The following MEGF8 variants were observed in gnomAD, a reference collection of about 807,000 sequenced individuals.
MEGF8 encodes multiple EGF like domains 8.
Under a neutral mutation model 302.9 loss-of-function variants are expected in MEGF8, and 156 were observed. That is an observed-to-expected ratio of 0.52 (90% confidence interval 0.45 to 0.59). The LOEUF is 0.59. MEGF8 is among the 20% of genes least tolerant of loss of function. The pLI, the probability that MEGF8 is intolerant of heterozygous loss-of-function variation, is 0.00. For synonymous variants in MEGF8, 1,621 were observed against 1,660.5 expected, an observed-to-expected ratio of 0.98 and a Z score of 0.58; for missense variants, 3,345 against 3,964.5, an observed-to-expected ratio of 0.84 and a Z score of 4.20.
chr19:42,328,120 C>A (rs1433808025), intron 1 of MEGF8, among the ~76,000 whole-genome samples: 2 of 152,122 alleles, frequency 1.3e-5, no homozygotes, highest in South Asian at 2.1e-4. Flanking sequence ...TACAAGACAA[C>A]GAATGAGCCA....
In MEGF8 at chr19:42,336,555, A is replaced by T. The variant is rs1424353407; in HGVS notation, c.1244+209A>T. On this transcript the variant is annotated intron_variant, in intron 6 of 41. Transcript: ENST00000251268. The surrounding 1 kb of genome is among the most constrained non-coding windows in gnomAD (Gnocchi z 4.8). ...TGATGTTTTATTCAATCTCTTGGTG[A>T]ATTGCCTTCCACACACTCCCACCCA... 1.3e-5 allele frequency among the ~76,000 whole-genome samples: 2 copies of T among 152,150 alleles called. No individual in the cohort carries two copies. The highest frequency in any genetic ancestry group is 2.9e-5 in the Non-Finnish European group (2 of 68,026).
At chr19:42,343,868 GC>G in intron 9 of MEGF8, 85 bp from the exon 10 acceptor site, 1 of 1,518,214 alleles carries the variant, frequency 6.6e-7, no homozygotes, top group South Asian at 1.3e-5. Context: ...GCTAAAGCAA[GC>G]GGGGACTTGG....
rs368451814 is a variant in MEGF8, at chr19:42,369,686, C to T, written c.6797C>T (p.Ala2266Val). Residue 2266 changes from alanine to valine, a missense_variant, in exon 38 of 42, where the codon GCG becomes GTG. By Grantham distance (64) the Ala-to-Val change is moderately conservative. Transcript: ENST00000251268. This position sits in a 1 kb window ranked among gnomAD's most constrained non-coding sequence, Gnocchi z 5.7. ...CACAGTGAATGCGCTGGTGTTGGGG[C>T]GCGTGACCACTGCTTGCTCTGCCGC... The part of the protein sequence containing the change: ...NRHSECAGVG[A>V]RDHCLLCRNH... The T allele has an allele frequency of 5.6e-6, 9 of 1,611,408 alleles. No individual in the cohort carries two copies. The highest frequency in any genetic ancestry group is 1.3e-5 in the African/African-American group (1 of 74,916).
Position 42,376,728 on chromosome 19 carries a change from C to T in MEGF8, c.8491C>T (p.Arg2831Trp), listed in dbSNP as rs763261685. The change falls in exon 42 of 42, where the codon CGG (arginine) becomes TGG (tryptophan). Residue 2831 changes from arginine (R) to tryptophan (W), a missense_variant. Transcript: ENST00000251268. The surrounding 1 kb of genome is among the most constrained non-coding windows in gnomAD (Gnocchi z 8.2). ...CAGTGGGCATGGGACTGGTGCGGGC[C>T]GGAAGGGACTGTTGAGCCAGGACAA... ...GGSGHGTGAGRKGLLSQDNLT... is the reference protein window; with the variant it reads ...GGSGHGTGAGWKGLLSQDNLT... The T allele has an allele frequency of 1.8e-5, 27 of 1,481,652 alleles. No individual in the cohort carries two copies. Among genetic ancestry groups the T allele is most frequent in the South Asian group, 9.4e-5 (7 of 74,476 alleles). 91.8% of individuals were successfully genotyped at this position (1,481,652 alleles called of 1,614,324 possible).
chr19:42,353,377 G>C lies in MEGF8; in HGVS notation c.3551-88G>C. Reference sequence around the variant, plus strand: ...TGGTTTCTCACCTTTGAAGCGGCTGGGTGGGGTCAGGGTTTAGCTGAGCCA... The same window carrying C: ...TGGTTTCTCACCTTTGAAGCGGCTGCGTGGGGTCAGGGTTTAGCTGAGCCA... On this transcript the variant is annotated intron_variant, in intron 20 of 41. Coordinates refer to ENST00000251268, the MANE Select transcript of MEGF8 (RefSeq NM_001271938.2). The surrounding 1 kb of genome is among the most constrained non-coding windows in gnomAD (Gnocchi z 6.1). The C allele has an allele frequency of 1.4e-6, 2 of 1,432,842 alleles. No homozygotes were observed. The highest frequency in any genetic ancestry group is 4.9e-5 in the East Asian group (2 of 40,620). The allele number at this position is 1,432,842 out of a possible 1,614,324, so 88.8% of individuals were successfully genotyped here.
intron 8 of MEGF8, among the ~76,000 whole-genome samples, chr19:42,338,351 C>T (rs1016161841): frequency 4.0e-5 from 6 of 151,846 alleles, no homozygotes; most frequent in Admixed American, 2.0e-4. Context: ...GTGATCCTCC[C>T]GCCTCAGCCT....
chr19:42,338,098 G>C (rs1331228176), intron 8 of MEGF8, among the ~76,000 whole-genome samples: 1 of 152,126 alleles, frequency 6.6e-6, no homozygotes, highest in Non-Finnish European at 1.5e-5. Flanking sequence ...GAGCCACCAT[G>C]CTTGGCCTTT....
At chr19:42,327,760 A>C (rs559249760) in intron 1 of MEGF8, among the ~76,000 whole-genome samples, 5 of 152,316 alleles carry the variant, frequency 3.3e-5, no homozygotes, top group Admixed American at 2.0e-4. Flanking sequence ...GGGAAGCGGG[A>C]GAGTGATGCT....
chr19:42,375,904 G>A lies in MEGF8; in HGVS notation c.7667G>A (p.Ser2556Asn). 6.2e-7 allele frequency: 1 copy of A among 1,601,066 alleles called. No homozygotes were observed. The highest frequency in any genetic ancestry group is 8.5e-7 in the Non-Finnish European group (1 of 1,173,344). The part of the protein sequence containing the change: ...AGDPGGAGAS[S>N]GPGAPAEPRV... ...GATCCAGGAGGAGCAGGGGCCAGCA[G>A]TGGGCCGGGCGCCCCAGCAGAGCCA... is the stretch of plus-strand genomic sequence containing the variant. Residue 2556 changes from serine to asparagine, a missense_variant, in exon 42 of 42, where the codon AGT (serine) becomes AAT (asparagine). By Grantham distance (46) the Ser-to-Asn change is conservative. Transcript: ENST00000251268. The surrounding 1 kb of genome is among the most constrained non-coding windows in gnomAD (Gnocchi z 7.1).
chr19:42,338,825 A>AT (rs55994617), intron 8 of MEGF8, among the ~76,000 whole-genome samples: 707 of 47,148 alleles, frequency 0.015, 124 homozygotes, highest in African/African-American at 0.019. Context: ...CTTTCTATGT[A>AT]TTTTTTTTTT....
intron 15 of MEGF8, among the ~76,000 whole-genome samples, chr19:42,350,878 T>C (rs745447225): frequency 2.6e-5 from 4 of 152,134 alleles, no homozygotes; most frequent in Admixed American, 6.5e-5. Flanking sequence ...TGCACTTCTG[T>C]GGCTCTGGTT....
rs1054502372 is a variant in MEGF8, at chr19:42,357,416, G to A, written c.4843G>A (p.Val1615Met). 1.3e-5 allele frequency: 21 copies of A among 1,613,186 alleles called. No homozygotes were observed. Among genetic ancestry groups the A allele is most frequent in the African/African-American group, 2.7e-5 (2 of 74,888 alleles). Residue 1615 changes from valine to methionine, a missense_variant, in exon 28 of 42, where the codon GTG becomes ATG. Val to Met is a conservative substitution (Grantham distance 21). Coordinates refer to ENST00000251268, the MANE Select transcript of MEGF8 (RefSeq NM_001271938.2). The surrounding 1 kb of genome is among the most constrained non-coding windows in gnomAD (Gnocchi z 5.2). ...CTCCATCCCTCAGGCCCCCCAGACC[G>A]TGGAGCTGCCAGCCGTTGCTGGTCA... ...QWRQEKAPQT[V>M]ELPAVAGHTL...
chr19:42,337,784 G>A (rs2039151277), intron 8 of MEGF8, among the ~76,000 whole-genome samples: 1 of 151,476 alleles, frequency 6.6e-6, no homozygotes, highest in African/African-American at 2.4e-5. Flanking sequence ...GGGATTACAG[G>A]CGTGAGCCAC....
chr19:42,353,878 G>C lies in MEGF8; in HGVS notation c.3865G>C (p.Gly1289Arg). 2 of 1,599,302 alleles carry C rather than the reference G, an allele frequency of 1.3e-6. No homozygotes were observed. The highest frequency in any genetic ancestry group is 1.1e-5 in the South Asian group (1 of 88,958). Residue 1289 changes from glycine (G) to arginine (R), a missense_variant, in exon 22 of 42, where the codon GGT becomes CGT. Transcript: ENST00000251268. The surrounding 1 kb of genome is among the most constrained non-coding windows in gnomAD (Gnocchi z 6.1). Reference sequence around the variant, plus strand: ...CCGGGTCGGGGGGCTGCTGCCTCCAGGTGGCGGGGCTGCAAGAGCCGGGCC... The same window carrying C: ...CCGGGTCGGGGGGCTGCTGCCTCCACGTGGCGGGGCTGCAAGAGCCGGGCC... ...SRRVGGLLPPGGGAARAGPGL... is the reference protein window; with the variant it reads ...SRRVGGLLPPRGGAARAGPGL...
rs528314157 is a variant in MEGF8 at position 42,328,074 on chromosome 19, C to T, written c.187+1644C>T. Among the ~76,000 whole-genome samples the T allele has an allele frequency of 6.6e-5, 10 of 152,246 alleles. No homozygotes were observed. The East Asian group carries it at 7.7e-4, about 12-fold the overall frequency. On this transcript the variant is annotated intron_variant, in intron 1 of 41. Transcript: ENST00000251268. ...CTACGCTCCAGTCTGGGCGGCAGAGCGAGACTCCATCTGAAACAAAAACAA... is the reference window on the plus strand; with the variant it reads ...CTACGCTCCAGTCTGGGCGGCAGAGTGAGACTCCATCTGAAACAAAAACAA...
At chr19:42,341,661 T>C (rs1040957535) in intron 8 of MEGF8, among the ~76,000 whole-genome samples, 3 of 152,118 alleles carry the variant, frequency 2.0e-5, no homozygotes, top group African/African-American at 7.2e-5. Context: ...TCCAGGCTAG[T>C]GTTGAACTCC....
Position 42,354,741 on chromosome 19 carries a change from G to A in MEGF8, c.4144+21G>A. ...GTCTGGTACGGGGGCTAGGGGAAGT[G>A]GGACCTCTTAGTCCTGGGCTATGTA... On this transcript the variant is annotated intron_variant, in intron 23 of 41. Transcript: ENST00000251268. The surrounding 1 kb of genome is among the most constrained non-coding windows in gnomAD (Gnocchi z 4.3). The A allele has an allele frequency of 6.3e-7, 1 of 1,588,270 alleles. No individual in the cohort carries two copies. Among genetic ancestry groups the A allele is most frequent in the Non-Finnish European group, 8.6e-7 (1 of 1,168,948 alleles).
chr19:42,356,075 TC>T lies in MEGF8; in HGVS notation c.4393-3del, dbSNP rs746014020. 1.9e-6 allele frequency: 3 copies of T among 1,587,300 alleles called. No individual in the cohort carries two copies. Among genetic ancestry groups the T allele is most frequent in the Admixed American group, 1.7e-5 (1 of 58,618 alleles). On this transcript the variant is annotated splice_region_variant and splice_polypyrimidine_tract_variant and intron_variant, in intron 24 of 41. Coordinates refer to ENST00000251268, the MANE Select transcript of MEGF8 (RefSeq NM_001271938.2). This position sits in a 1 kb window ranked among gnomAD's most constrained non-coding sequence, Gnocchi z 5.2. ...CAGGGCTCCCCTGAGTCCCTTGTCA[TC>T]CCCCAGAGCCTGGGTGTGTGCATCT...
At position 42,336,219 on chromosome 19, in the gene MEGF8, G is replaced by A. The variant is rs780619794; in HGVS notation, c.1117G>A (p.Gly373Arg). Residue 373 changes from glycine (G) to arginine (R), a missense_variant, in exon 6 of 42, where the codon GGG (glycine) becomes AGG (arginine). Gly to Arg is a moderately radical substitution (Grantham distance 125). Transcript: ENST00000251268. This position sits in a 1 kb window ranked among gnomAD's most constrained non-coding sequence, Gnocchi z 4.8. ...LFRFRLDSTS[G>R]GYWEQVIPAG... ...CCGTTTCCGCCTTGACAGCACCAGCGGGGGCTATTGGGAGCAGGTGATTCC... is the reference window on the plus strand; with the variant it reads ...CCGTTTCCGCCTTGACAGCACCAGCAGGGGCTATTGGGAGCAGGTGATTCC... 14 of 1,609,364 alleles carry A rather than the reference G, an allele frequency of 8.7e-6. No homozygotes were observed. Among genetic ancestry groups the A allele is most frequent in the East Asian group, 6.7e-5 (3 of 44,896 alleles).
Sources: gnomAD v4.1 joint callset for allele counts (sites outside exome capture counted in the v4.1 genomes callset) on GRCh38, gnomAD v4.1.1 for gene constraint, Gnocchi (gnomAD v3.1) non-coding constraint, MANE v1.5 for transcripts, NCBI Gene and HGNC (gene_info 2026-07-23, HGNC 2026-07-21) for gene names.